The following DPRX variants were observed in gnomAD, a reference collection of about 807,000 sequenced individuals.
DPRX encodes the protein divergent-paired related homeobox, also known as divergent paired-related homeobox.
DPRX carries 11 observed loss-of-function variants against 8.4 expected under a neutral mutation model. The ratio of observed to expected loss-of-function variants is 1.31; its 90% CI spans 0.82 to 2.17. The LOEUF is 2.17. Among genes scored for constraint, DPRX ranks in the 30% most tolerant of loss-of-function variants. The pLI is 0.00. For synonymous variants in DPRX, 72 were observed against 87.0 expected (o/e 0.83, Z 0.96); for missense variants, 211 against 236.7 (o/e 0.89, Z 0.71).
chr19:53,613,889 A>C, the DPRX span, among the ~76,000 whole-genome samples: 2 of 151,446 alleles, frequency 1.3e-5, no homozygotes, highest in Admixed American at 1.3e-4. Context: ...GGCCGTGTGG[A>C]TATTTTGCCT....
the DPRX span, among the ~76,000 whole-genome samples, chr19:53,612,759 A>T: frequency 2.6e-5 from 4 of 152,106 alleles, no homozygotes; most frequent in African/African-American, 9.7e-5. Context: ...GAATATTTTT[A>T]AAAAAGGAAG....
At position 53,637,004 on chromosome 19, in the gene DPRX, A is replaced by C. The variant is rs374553934; in HGVS notation, c.*16A>C. ...AGAGAGATGATAAATACAAAAAGTC[A>C]CATGTTGTAATGATGTGTGTGTGGT... On this transcript the variant is annotated 3_prime_UTR_variant, in exon 3 of 3. Coordinates refer to ENST00000376650, the Ensembl canonical transcript of DPRX. 17 of 1,576,810 alleles carry C rather than the reference A, an allele frequency of 1.1e-5. No homozygotes were observed. In the African/African-American group the frequency reaches 1.8e-4, roughly 16 times the overall value.
chr19:53,607,110 G>A, the DPRX span: 1 of 152,518 alleles, frequency 6.6e-6, no homozygotes, highest in Admixed American at 6.6e-5. Context: ...GTCTTTCTGG[G>A]ACGACTCAGT....
At chr19:53,620,652 AC>A in the DPRX span, among the ~76,000 whole-genome samples, 1 of 151,760 alleles carries the variant, frequency 6.6e-6, no homozygotes, top group Non-Finnish European at 1.5e-5. Flanking sequence ...GGTGTGAGCC[AC>A]CCCGCCCGGG....
chr19:53,602,114 G>A, the DPRX span: 1 of 456,666 alleles, frequency 2.2e-6, no homozygotes, highest in Non-Finnish European at 4.4e-6. Context: ...CAGAGAACAG[G>A]CGTTTGGGCC....
the DPRX span, chr19:53,608,321 A>G: frequency 1.4e-5 from 1 of 73,790 alleles, no homozygotes; most frequent in Non-Finnish European, 2.6e-5. Flanking sequence ...GGCGTCTGTG[A>G]GCTGCCAGTT....
chr19:53,611,670 T>C, the DPRX span, among the ~76,000 whole-genome samples: 1 of 152,302 alleles, frequency 6.6e-6, no homozygotes, highest in Non-Finnish European at 1.5e-5. Context: ...ACACACTTCA[T>C]AGAATGCACT....
At chr19:53,602,270 GTGTGTGTGTGTGT>G in the DPRX span, 113 of 99,228 alleles carry the variant, frequency 1.1e-3, no homozygotes, top group South Asian at 5.9e-3. Flanking sequence ...GGGTATGGGT[GTGTGTGTGTGTGT>G]GTGTGTGTGT....
At chr19:53,617,754 G>C in the DPRX span, among the ~76,000 whole-genome samples, 1 of 152,080 alleles carries the variant, frequency 6.6e-6, no homozygotes, top group Non-Finnish European at 1.5e-5. Context: ...TTATTAAAGA[G>C]ACAAATTTAT....
chr19:53,632,745 C>T (rs1011524638), intron 1 of DPRX, among the ~76,000 whole-genome samples: 2 of 152,080 alleles, frequency 1.3e-5, no homozygotes, highest in East Asian at 1.9e-4. Flanking sequence ...TGCCCGGCCG[C>T]GGCTGTCATC....
chr19:53,636,891 T>C, exon 3 of DPRX: 18 of 1,614,186 alleles, frequency 1.1e-5, no homozygotes, highest in Non-Finnish European at 1.5e-5. Flanking sequence ...GATCCTAATA[T>C]ATACTGCCTC....
chr19:53,619,675 C>CA, the DPRX span, among the ~76,000 whole-genome samples: 1,473 of 83,794 alleles, frequency 0.018, 24 homozygotes, highest in African/African-American at 0.054. Flanking sequence ...AACTTCATCT[C>CA]AAAAAAAAAA....
At chr19:53,615,359 T>C in the DPRX span, among the ~76,000 whole-genome samples, 1 of 152,092 alleles carries the variant, frequency 6.6e-6, no homozygotes, top group Non-Finnish European at 1.5e-5. Context: ...TGGCTCAATG[T>C]AACCTCCACC....
exon 2 of DPRX, chr19:53,634,566 A>G (rs1411171192): frequency 1.2e-6 from 2 of 1,613,940 alleles, no homozygotes; most frequent in Non-Finnish European, 1.7e-6. Flanking sequence ...GAAACGAACC[A>G]TGTTCACTAA....
At chr19:53,617,271 A>T in the DPRX span, 1 of 727,710 alleles carries the variant, frequency 1.4e-6, no homozygotes, top group Non-Finnish European at 2.6e-6. Context: ...CTTTAAGAAG[A>T]AATCAGGCTG....
chr19:53,633,108 C>T (rs1011466490), intron 1 of DPRX, among the ~76,000 whole-genome samples: 6 of 150,324 alleles, frequency 4.0e-5, no homozygotes, highest in African/African-American at 1.5e-4. Context: ...CCAGCCTGGG[C>T]AACAAAACAA....
chr19:53,622,578 A>G, the DPRX span, among the ~76,000 whole-genome samples: 1 of 152,248 alleles, frequency 6.6e-6, no homozygotes, highest in Non-Finnish European at 1.5e-5. Flanking sequence ...TCTGAGTTCC[A>G]GACAAGAACC....
chr19:53,603,524 G>A, the DPRX span: 1 of 406,400 alleles, frequency 2.5e-6, no homozygotes, highest in Non-Finnish European at 5.1e-6. Context: ...TCTCGTTCTT[G>A]CTGAAATTCT....
the DPRX span, among the ~76,000 whole-genome samples, chr19:53,602,627 C>T: frequency 8.3e-3 from 1,260 of 151,516 alleles, 13 homozygotes; most frequent in African/African-American, 0.024. Flanking sequence ...TCGGCCTCTC[C>T]GGTTCAAATA....
Sources: gnomAD v4.1 joint callset for allele counts (sites outside exome capture counted in the v4.1 genomes callset) on GRCh38, gnomAD v4.1.1 for gene constraint, MANE v1.5 for transcripts, NCBI Gene and HGNC (gene_info 2026-07-23, HGNC 2026-07-21) for gene names.